The following ELK3 variants were observed in gnomAD, a reference collection of about 807,000 sequenced individuals.
ELK3 encodes ETS transcription factor ELK3, also known as ETS domain-containing protein Elk-3.
In ELK3, 10 loss-of-function variants were observed where a neutral mutation model predicts 28.9. The ratio of observed to expected loss-of-function variants is 0.35; its 90% CI spans 0.21 to 0.59. The LOEUF is 0.59. Among genes scored for constraint, ELK3 ranks in the 20% least tolerant of loss-of-function variants. The probability of loss-of-function intolerance (pLI) is 0.82; values close to 1 mark genes in which losing one functional copy is unlikely to be tolerated. For synonymous variants in ELK3, 272 were observed against 243.5 expected (o/e 1.12, Z -1.09); for missense variants, 463 against 517.3 (o/e 0.90, Z 1.02).
chr12:96,204,841 G>A (rs888602819), intron 1 of ELK3, among the ~76,000 whole-genome samples: 1 of 152,218 alleles, frequency 6.6e-6, no homozygotes, highest in African/African-American at 2.4e-5. Context: ...AACGCTCATT[G>A]AACTGGAAAT....
At position 96,223,761 on chromosome 12, in the gene ELK3, C is replaced by T. The variant is rs2137014828; in HGVS notation, c.195C>T (p.Tyr65=). 1.2e-6 allele frequency: 2 copies of T among 1,614,044 alleles called. No homozygotes were observed. The highest frequency in any genetic ancestry group is 1.1e-5 in the South Asian group (1 of 91,082). ...NYDKLSRALR[Y]YYDKNIIKKV... The stretch of plus-strand genomic sequence containing the variant: ...ATAAGCTGAGCAGAGCCCTGCGATA[C>T]TATTATGACAAGGTAAACCCTTGAC... Residue 65 remains tyrosine, a synonymous_variant, in exon 2 of 5, where the codon TAC becomes TAT. Transcript: ENST00000228741.
chr12:96,237,976 G>A (rs984020673), intron 2 of ELK3, among the ~76,000 whole-genome samples: 3 of 152,028 alleles, frequency 2.0e-5, no homozygotes, highest in Admixed American at 6.6e-5. Flanking sequence ...AGGAAGCCGC[G>A]GCCTGGAGAT....
rs371018985 is a variant in ELK3 at position 96,220,081 on chromosome 12, A to G, written c.-2-3484A>G. ...CACCCAAGCTCTGCAGCTTGGTTGA[A>G]CTGTGGGGGCATTTCTGTGATTCCT... On this transcript the variant is annotated intron_variant, in intron 1 of 4. Coordinates refer to ENST00000228741, the MANE Select transcript of ELK3 (RefSeq NM_005230.4). Among the ~76,000 whole-genome samples the G allele has an allele frequency of 9.2e-5, 14 of 152,208 alleles. No homozygotes were observed. The East Asian group carries it at 1.2e-3, about 13-fold the overall frequency.
At chr12:96,215,328 C>T (rs753539655) in intron 1 of ELK3, among the ~76,000 whole-genome samples, 4 of 152,170 alleles carry the variant, frequency 2.6e-5, no homozygotes, top group Non-Finnish European at 5.9e-5. Flanking sequence ...CATAAGGGGT[C>T]TGTGCGGCCC....
At chr12:96,225,013 C>T (rs143455722) in intron 2 of ELK3, among the ~76,000 whole-genome samples, 1 of 152,302 alleles carries the variant, frequency 6.6e-6, no homozygotes, top group Admixed American at 6.5e-5. Flanking sequence ...TAAAGGTGCT[C>T]TCCTTTAACG....
intron 1 of ELK3, among the ~76,000 whole-genome samples, chr12:96,206,914 C>T (rs888194146): frequency 2.0e-5 from 3 of 152,096 alleles, no homozygotes; most frequent in African/African-American, 7.2e-5. Flanking sequence ...GTCTGCCCCT[C>T]GATGACAGTT....
intron 4 of ELK3, among the ~76,000 whole-genome samples, chr12:96,261,096 A>G (rs1447109248): frequency 6.6e-6 from 1 of 152,140 alleles, no homozygotes; most frequent in African/African-American, 2.4e-5. Flanking sequence ...TGAGCTGGTC[A>G]TTTTGCTTGT....
intron 1 of ELK3, among the ~76,000 whole-genome samples, chr12:96,204,023 A>C (rs534131285): frequency 3.3e-4 from 51 of 152,310 alleles, no homozygotes; most frequent in African/African-American, 1.1e-3. Flanking sequence ...AGAAAAGTGG[A>C]TATATAGAAA....
At chr12:96,219,706 C>T (rs569355815) in intron 1 of ELK3, among the ~76,000 whole-genome samples, 1 of 152,140 alleles carries the variant, frequency 6.6e-6, no homozygotes, top group Non-Finnish European at 1.5e-5. Flanking sequence ...GGGGGCTCCA[C>T]GATACCCCAG....
intron 1 of ELK3, among the ~76,000 whole-genome samples, chr12:96,218,066 T>C (rs1403789610): frequency 1.3e-5 from 2 of 152,058 alleles, no homozygotes; most frequent in African/African-American, 4.8e-5. Context: ...AACTTCACTC[T>C]ACCATGGCAG....
chr12:96,228,430 A>AAAG (rs1951719878), intron 2 of ELK3, among the ~76,000 whole-genome samples: 1 of 117,418 alleles, frequency 8.5e-6, no homozygotes, highest in South Asian at 3.5e-4. Flanking sequence ...AAAAAAAAAA[A>AAAG]AAAAAAAAAA....
At position 96,194,376 on chromosome 12, in the gene ELK3, CGGGCCTGGGCGG is replaced by C. The variant is rs1951445055; in HGVS notation, c.-331_-320del. On this transcript the variant is annotated 5_prime_UTR_variant, in exon 1 of 5. Transcript: ENST00000228741. ...CGGGGCCGGGGCGGCGGGGGAGGCG[CGGGCCTGGGCGG>C]CCAGCCCCGGCGCACAGCCGCGGCC... The C allele has an allele frequency of 6.9e-6, 1 of 145,740 alleles. No homozygotes were observed. The highest frequency in any genetic ancestry group is 1.5e-5 in the Non-Finnish European group (1 of 65,594). The allele number at this position is 145,740 out of a possible 1,614,324, so 9.0% of individuals were successfully genotyped here. A position where few individuals can be genotyped will look rare whatever the true frequency, so the allele number is the denominator to read the frequency against.
At chr12:96,240,751 T>G (rs940751781) in intron 2 of ELK3, among the ~76,000 whole-genome samples, 1 of 152,164 alleles carries the variant, frequency 6.6e-6, no homozygotes, top group African/African-American at 2.4e-5. Flanking sequence ...GCGCTGTGTT[T>G]CCAGGGTGCC....
chr12:96,240,066 T>C (rs941341318), intron 2 of ELK3, among the ~76,000 whole-genome samples: 20 of 152,366 alleles, frequency 1.3e-4, no homozygotes, highest in African/African-American at 4.6e-4. Context: ...GGATGTCAAG[T>C]GCTGGCCGTG....
intron 4 of ELK3, among the ~76,000 whole-genome samples, chr12:96,263,636 G>A (rs1001357068): frequency 2.0e-5 from 3 of 152,224 alleles, no homozygotes; most frequent in Admixed American, 6.5e-5. Flanking sequence ...AGGGGCAGAC[G>A]CGCTTTTTCC....
chr12:96,194,902 C>G, intron 1 of ELK3, among the ~76,000 whole-genome samples, 197 bp downstream of exon 1: 1 of 145,466 alleles, frequency 6.9e-6, no homozygotes, highest in Admixed American at 6.8e-5. Context: ...GCGGATGCTC[C>G]TGCGCCCGCG....
At chr12:96,223,455 T>G in intron 1 of ELK3, 110 bp from the exon 2 acceptor site, 2 of 1,005,998 alleles carry the variant, frequency 2.0e-6, no homozygotes, top group Non-Finnish European at 3.1e-6. Context: ...TTAGGTTCAC[T>G]GGGGGAAGGA....
At chr12:96,213,242 G>C (rs1371491618) in intron 1 of ELK3, among the ~76,000 whole-genome samples, 4 of 152,168 alleles carry the variant, frequency 2.6e-5, no homozygotes, top group Non-Finnish European at 5.9e-5. Flanking sequence ...CAGAGAAATA[G>C]GGTGTGCTTC....
intron 1 of ELK3, among the ~76,000 whole-genome samples, chr12:96,208,296 C>T (rs1951552269): frequency 6.6e-6 from 1 of 152,220 alleles, no homozygotes; most frequent in African/African-American, 2.4e-5. Flanking sequence ...AGGTGATCCA[C>T]CCACCCCGGC....
Sources: gnomAD v4.1 joint callset for allele counts (sites outside exome capture counted in the v4.1 genomes callset) on GRCh38, gnomAD v4.1.1 for gene constraint, MANE v1.5 for transcripts, NCBI Gene and HGNC (gene_info 2026-07-23, HGNC 2026-07-21) for gene names.